ARHGEF7: variants seen among roughly 807,000 people sequenced by gnomAD.
ARHGEF7 encodes the protein PAK-interacting exchange factor beta.
Under a neutral mutation model 109.8 loss-of-function variants are expected in ARHGEF7, and 33 were observed. That is an observed-to-expected ratio of 0.30 (90% CI 0.23 to 0.40). The LOEUF (loss-of-function observed/expected upper bound fraction) is 0.40. Among genes scored for constraint, ARHGEF7 ranks in the 10% least tolerant of loss-of-function variants. The probability of loss-of-function intolerance (pLI) is 1.00; values close to 1 mark genes in which losing one functional copy is unlikely to be tolerated. For missense variants in ARHGEF7, 938 were observed against 1,098.5 expected, an observed-to-expected ratio of 0.85 and a Z score of 2.07; for synonymous variants, 458 against 424.6, an observed-to-expected ratio of 1.08 and a Z score of -0.97.
At chr13:111,234,824 T>A (rs554304556) in intron 6 of ARHGEF7, among the ~76,000 whole-genome samples, 2 of 152,272 alleles carry the variant, frequency 1.3e-5, no homozygotes, top group African/African-American at 4.8e-5. Flanking sequence ...TTTTAGCGCG[T>A]CGTGTGGCCC....
intron 1 of ARHGEF7, among the ~76,000 whole-genome samples, chr13:111,126,060 T>C (rs575400110): frequency 6.6e-6 from 1 of 152,322 alleles, no homozygotes; most frequent in Non-Finnish European, 1.5e-5. Flanking sequence ...CTGTGGTGCT[T>C]AGGAAAGTGC....
At chr13:111,299,544 A>G (rs919365127) in intron 19 of ARHGEF7, among the ~76,000 whole-genome samples, 2 of 151,816 alleles carry the variant, frequency 1.3e-5, no homozygotes, top group African/African-American at 2.4e-5. Context: ...GGGTTTCACC[A>G]TGTTAACCAG....
intron 8 of ARHGEF7, among the ~76,000 whole-genome samples, chr13:111,256,327 G>A (rs1399078241): frequency 6.6e-6 from 1 of 152,160 alleles, no homozygotes; most frequent in East Asian, 1.9e-4. Flanking sequence ...TGGAACTGCG[G>A]GCGCTTTGAT....
Position 111,255,385 on chromosome 13 carries a change from A to G in ARHGEF7, c.950+11091A>G, listed in dbSNP as rs868108934. Among the ~76,000 whole-genome samples, 37 of 152,174 alleles carry G rather than the reference A, an allele frequency of 2.4e-4. No individual in the cohort carries two copies. The highest frequency in any genetic ancestry group is 7.7e-4 in the African/African-American group (32 of 41,428). On this transcript the variant is annotated intron_variant, in intron 8 of 21. Coordinates refer to ENST00000646102, the MANE Select transcript of ARHGEF7 (RefSeq NM_001354046.2). The surrounding 1 kb of genome is among the most constrained non-coding windows in gnomAD (Gnocchi z 4.1). ...GTTTGGATTGACAGCTCTCCTGGTC[A>G]CCTGCCTCATGTTGCTTGCCCATGT...
chr13:111,232,223 AC>A (rs1024150536), intron 5 of ARHGEF7, among the ~76,000 whole-genome samples: 6 of 152,038 alleles, frequency 3.9e-5, no homozygotes, highest in African/African-American at 1.4e-4. Flanking sequence ...TACCCATAAA[AC>A]CATTGAGAGA....
chr13:111,250,175 A>G (rs1486641908), intron 8 of ARHGEF7, among the ~76,000 whole-genome samples: 2 of 152,206 alleles, frequency 1.3e-5, no homozygotes, highest in African/African-American at 2.4e-5. Context: ...CTTTCAGTTC[A>G]AAACAATAGA....
intron 2 of ARHGEF7, 77 bp downstream of exon 2, chr13:111,154,068 C>G: frequency 7.2e-7 from 1 of 1,394,878 alleles, no homozygotes; most frequent in South Asian, 1.4e-5. Flanking sequence ...TTCGCTCCAG[C>G]CGGACCTCCT....
intron 5 of ARHGEF7, among the ~76,000 whole-genome samples, chr13:111,221,224 T>G (rs866002265): frequency 1.7e-5 from 1 of 59,172 alleles, no homozygotes; most frequent in African/African-American, 7.7e-5. Context: ...TGTCTATATA[T>G]ATCTATATAG....
intron 15 of ARHGEF7, among the ~76,000 whole-genome samples, chr13:111,282,224 C>T (rs1567070493): frequency 1.3e-5 from 2 of 151,922 alleles, no homozygotes; most frequent in South Asian, 4.2e-4. Flanking sequence ...TTTTGAAGGT[C>T]GCGCACTTCC....
chr13:111,205,370 G>A lies in ARHGEF7; in HGVS notation c.334G>A (p.Ala112Thr). The change falls in exon 3 of 22, where the codon GCA becomes ACA. Residue 112 changes from alanine to threonine, a missense_variant. Ala to Thr is a moderately conservative substitution (Grantham distance 58). Coordinates refer to ENST00000646102, the MANE Select transcript of ARHGEF7 (RefSeq NM_001354046.2). ...CTTAGTGACTCTAAATAAAGTAACA[G>A]CAGGTAAGACTCTTTTTTATTGAAC... Reference protein sequence around the residue: ...SSLVTLNKVTADIGLGSDSVC... With the variant: ...SSLVTLNKVTTDIGLGSDSVC... 3 of 1,595,902 alleles carry A rather than the reference G, an allele frequency of 1.9e-6. No individual in the cohort carries two copies. The highest frequency in any genetic ancestry group is 1.7e-6 in the Non-Finnish European group (2 of 1,174,460).
At chr13:111,138,282 C>T (rs1188898457) in intron 1 of ARHGEF7, among the ~76,000 whole-genome samples, 1 of 151,992 alleles carries the variant, frequency 6.6e-6, no homozygotes, top group Non-Finnish European at 1.5e-5. Context: ...TATAGCACTC[C>T]AGCCTTGGCA....
chr13:111,301,634 T>G, intron 21 of ARHGEF7, 102 bp downstream of exon 21: 1 of 950,308 alleles, frequency 1.1e-6, no homozygotes, highest in Non-Finnish European at 1.6e-6. Context: ...GGCTCACACC[T>G]ATAATCCCAG....
rs1302189017 is a variant in ARHGEF7, at chr13:111,164,815, C to T, written c.252+10824C>T. Among the ~76,000 whole-genome samples, 3 of 152,200 alleles carry T rather than the reference C, an allele frequency of 2.0e-5. No individual in the cohort carries two copies. In the East Asian group the frequency reaches 5.8e-4, roughly 29 times the overall value. ...CGGGATAAGAATAACCCTCAACAAT[C>T]CCTGCTACTAAAGAATTGCTTAAAG... On this transcript the variant is annotated intron_variant, in intron 2 of 21. Coordinates refer to ENST00000646102, the MANE Select transcript of ARHGEF7 (RefSeq NM_001354046.2).
intron 1 of ARHGEF7, among the ~76,000 whole-genome samples, chr13:111,128,772 T>C (rs2067749919): frequency 6.6e-6 from 1 of 152,230 alleles, no homozygotes; most frequent in Admixed American, 6.5e-5. Context: ...ATACATAACA[T>C]TCTGGGTCAG....
At chr13:111,128,315 T>A (rs1318949566) in intron 1 of ARHGEF7, among the ~76,000 whole-genome samples, 1 of 152,178 alleles carries the variant, frequency 6.6e-6, no homozygotes, top group Non-Finnish European at 1.5e-5. Context: ...TTGTATAGGA[T>A]CTACAAAATA....
intron 2 of ARHGEF7, among the ~76,000 whole-genome samples, chr13:111,169,099 G>C (rs2077368010): frequency 6.6e-6 from 1 of 152,206 alleles, no homozygotes. Flanking sequence ...GATGCTTACT[G>C]TGGGGTTGTG....
chr13:111,127,869 A>G (rs1186497374), intron 1 of ARHGEF7, among the ~76,000 whole-genome samples: 1 of 152,334 alleles, frequency 6.6e-6, no homozygotes, highest in Non-Finnish European at 1.5e-5. Flanking sequence ...AAAAGATAAG[A>G]TATCATAACC....
intron 1 of ARHGEF7, among the ~76,000 whole-genome samples, chr13:111,124,822 C>T (rs534767516): frequency 7.2e-5 from 11 of 152,290 alleles, no homozygotes; most frequent in South Asian, 2.1e-4. Flanking sequence ...TCCAATGGCA[C>T]GATCTCGGCT....
upstream of ARHGEF7, chr13:111,115,037 C>A (rs1484803579): frequency 6.6e-6 from 1 of 151,668 alleles, no homozygotes; most frequent in African/African-American, 2.4e-5. Context: ...GGGCGCGGGG[C>A]GCACGGCGGG....
Sources: allele counts gnomAD v4.1 joint callset (sites outside exome capture counted in the v4.1 genomes callset), GRCh38; gene constraint gnomAD v4.1.1; non-coding constraint Gnocchi (gnomAD v3.1); transcripts MANE v1.5; gene names NCBI Gene and HGNC (gene_info 2026-07-23, HGNC 2026-07-21).